Variants in SLC25A16 observed in about 807,000 individuals in gnomAD.
SLC25A16 encodes solute carrier family 25 member 16, also known as mitochondrial coenzyme A transporter SLC25A16.
In SLC25A16, 39 loss-of-function variants were observed where a neutral mutation model predicts 41.5. The ratio of observed to expected loss-of-function variants is 0.94; its 90% CI spans 0.73 to 1.23. The LOEUF is 1.23. Among genes scored for constraint, SLC25A16 ranks in the 50% most tolerant of loss-of-function variants. SLC25A16 has a pLI of 0.00. For missense variants in SLC25A16, 421 were observed against 426.9 expected, an observed-to-expected ratio of 0.99 and a Z score of 0.12; for synonymous variants, 146 against 147.8, an observed-to-expected ratio of 0.99 and a Z score of 0.09.
intron 8 of SLC25A16, among the ~76,000 whole-genome samples, chr10:68,485,836 C>T (rs1311849789): frequency 2.1e-5 from 3 of 145,034 alleles, no homozygotes; most frequent in African/African-American, 7.8e-5. Context: ...CTCACTCTAT[C>T]GCCCAGGCTG....
rs568877389 is a variant in SLC25A16 at position 68,486,664 on chromosome 10, G to A, written c.842+480C>T. ...GCTAGGATTACAGGCACGAGCTATC[G>A]TGCCTGGCCCTAAATTAAATTTTTA... On this transcript the variant is annotated intron_variant, in intron 8 of 8. Coordinates refer to ENST00000609923, the MANE Select transcript of SLC25A16 (RefSeq NM_152707.4). Among the ~76,000 whole-genome samples the A allele has an allele frequency of 4.6e-5, 7 of 151,900 alleles. No homozygotes were observed. The East Asian group carries it at 7.8e-4, about 17-fold the overall frequency.
At chr10:68,484,424 CTT>C (rs35608830) in intron 8 of SLC25A16, among the ~76,000 whole-genome samples, 347 of 127,454 alleles carry the variant, frequency 2.7e-3, no homozygotes, top group Middle Eastern at 0.012. Context: ...TTTCAAAAAT[CTT>C]TTTTTTTTTT....
chr10:68,491,210 G>GTTT (rs1381134654), intron 6 of SLC25A16, among the ~76,000 whole-genome samples: 1 of 149,768 alleles, frequency 6.7e-6, no homozygotes, highest in Non-Finnish European at 1.5e-5. Flanking sequence ...TTAGTGCACT[G>GTTT]TTTTTTTGTT....
chr10:68,516,689 C>CT (rs1292850209), intron 2 of SLC25A16, 62 bp downstream of exon 2: 1 of 1,229,090 alleles, frequency 8.1e-7, no homozygotes, highest in Non-Finnish European at 1.2e-6. Context: ...CTTAAATTCC[C>CT]TTTTTTGCCC....
intron 1 of SLC25A16, chr10:68,517,130 C>T: frequency 9.2e-6 from 10 of 1,087,166 alleles, no homozygotes; most frequent in Non-Finnish European, 1.1e-5. Flanking sequence ...TGGAGACAGA[C>T]ACTTCAAGGT....
chr10:68,516,885 T>C (rs1447716202), intron 1 of SLC25A16, 42 bp from the exon 2 acceptor site: 2 of 1,436,056 alleles, frequency 1.4e-6, no homozygotes, highest in Non-Finnish European at 2.0e-6. Context: ...TGCGTACCAT[T>C]TCTTTCCAGA....
chr10:68,526,945 G>A (rs73276423), intron 1 of SLC25A16, among the ~76,000 whole-genome samples: 1 of 152,262 alleles, frequency 6.6e-6, no homozygotes, highest in African/African-American at 2.4e-5. Context: ...TAAAACCCCA[G>A]GGTCTCTGTA....
intron 2 of SLC25A16, among the ~76,000 whole-genome samples, chr10:68,510,473 C>T (rs1292596478): frequency 6.6e-6 from 1 of 151,858 alleles, no homozygotes; most frequent in African/African-American, 2.4e-5. Flanking sequence ...ACCTGGAAGG[C>T]CAAGGTTGCA....
At chr10:68,493,321 T>G in intron 5 of SLC25A16, 123 bp from the exon 6 acceptor site, 1 of 1,119,996 alleles carries the variant, frequency 8.9e-7, no homozygotes, top group South Asian at 1.4e-5. Context: ...CACAAAGATG[T>G]GTTTTCGTAA....
At chr10:68,488,855 C>A (rs1284171200) in intron 6 of SLC25A16, among the ~76,000 whole-genome samples, 1 of 151,966 alleles carries the variant, frequency 6.6e-6, no homozygotes, top group African/African-American at 2.4e-5. Flanking sequence ...CTGAAGGAGG[C>A]TATAGTGAAT....
At chr10:68,488,835 G>C (rs1422569263) in intron 6 of SLC25A16, among the ~76,000 whole-genome samples, 1 of 152,108 alleles carries the variant, frequency 6.6e-6, no homozygotes, top group African/African-American at 2.4e-5. Flanking sequence ...CACCACTGAA[G>C]TTTACTGCAC....
At chr10:68,506,415 C>T (rs2133556235) in intron 3 of SLC25A16, among the ~76,000 whole-genome samples, 170 bp downstream of exon 3, 1 of 151,712 alleles carries the variant, frequency 6.6e-6, no homozygotes, top group African/African-American at 2.4e-5. Context: ...GCCACTGTAC[C>T]CCAGCCTGGG....
At chr10:68,494,646 GTGGA>G (rs2052719665) in intron 4 of SLC25A16, among the ~76,000 whole-genome samples, 1 of 149,554 alleles carries the variant, frequency 6.7e-6, no homozygotes. Flanking sequence ...GGAGGCTGAG[GTGGA>G]CAGATCACCT....
At chr10:68,520,192 C>T (rs1427957420) in intron 1 of SLC25A16, among the ~76,000 whole-genome samples, 2 of 151,080 alleles carry the variant, frequency 1.3e-5, no homozygotes, top group African/African-American at 2.4e-5. Context: ...CTCCTGATCT[C>T]GTCATCCACC....
At chr10:68,517,402 A>G in intron 1 of SLC25A16, 1 of 240,824 alleles carries the variant, frequency 4.2e-6, no homozygotes, top group Non-Finnish European at 6.7e-6. Context: ...TAAAGTGCAT[A>G]CATGGGCTTT....
At chr10:68,523,168 C>A (rs1478372498) in intron 1 of SLC25A16, among the ~76,000 whole-genome samples, 1 of 152,072 alleles carries the variant, frequency 6.6e-6, no homozygotes, top group Non-Finnish European at 1.5e-5. Flanking sequence ...GGGCTTACTG[C>A]GACCTCCGCC....
Position 68,481,169 on chromosome 10 carries a change from G to A in SLC25A16, c.*2263C>T, listed in dbSNP as rs1246042818. 4.0e-5 allele frequency: 6 copies of A among 151,766 alleles called. No homozygotes were observed. 9.4% of individuals were successfully genotyped at this position (151,766 alleles called of 1,614,324 possible). On this transcript the variant is annotated 3_prime_UTR_variant, in exon 9 of 9. Transcript: ENST00000609923. Reference sequence around the variant, plus strand: ...CCGGCTGATTTTTGTATTTTTAGTAGAGACAGGGTTTCTCCACGTTGGCCA... The same window carrying A: ...CCGGCTGATTTTTGTATTTTTAGTAAAGACAGGGTTTCTCCACGTTGGCCA...
intron 1 of SLC25A16, among the ~76,000 whole-genome samples, chr10:68,520,523 A>T (rs1323069420): frequency 6.6e-6 from 1 of 152,076 alleles, no homozygotes; most frequent in African/African-American, 2.4e-5. Flanking sequence ...TAAAAATACA[A>T]AAATTAGGCC....
At chr10:68,492,277 C>T (rs770209594) in intron 6 of SLC25A16, among the ~76,000 whole-genome samples, 20 of 152,116 alleles carry the variant, frequency 1.3e-4, no homozygotes, top group Non-Finnish European at 2.2e-4. Flanking sequence ...TTCAACCCTT[C>T]CTCTATATAA....
Sources: allele counts gnomAD v4.1 joint callset (sites outside exome capture counted in the v4.1 genomes callset), GRCh38; gene constraint gnomAD v4.1.1; transcripts MANE v1.5; gene names NCBI Gene and HGNC (gene_info 2026-07-23, HGNC 2026-07-21).